The following DPP8 variants were observed in gnomAD, a reference collection of about 807,000 sequenced individuals.
The protein encoded by DPP8 is DPP VIII.
DPP8 carries 31 observed loss-of-function variants against 107.5 expected under a neutral mutation model. The observed-to-expected ratio is 0.29, with a 90% CI of 0.22 to 0.39. DPP8 has a LOEUF of 0.39. Ranked by LOEUF, DPP8 falls within the 10% of genes least tolerant of loss-of-function variation. DPP8 has a pLI of 1.00. For missense variants in DPP8, 842 were observed against 1,076.1 expected, an observed-to-expected ratio of 0.78 and a Z score of 3.04; for synonymous variants, 381 against 356.6, an observed-to-expected ratio of 1.07 and a Z score of -0.77.
At chr15:65,450,030 C>T (rs767828619) in intron 19 of DPP8, among the ~76,000 whole-genome samples, 2 of 151,832 alleles carry the variant, frequency 1.3e-5, no homozygotes, top group Admixed American at 6.6e-5. Flanking sequence ...TGCAATAGCG[C>T]GATCTCAGCT....
chr15:65,451,280 T>C (rs613892), intron 18 of DPP8, among the ~76,000 whole-genome samples, 170 bp from the exon 19 acceptor site: 9,158 of 152,262 alleles, frequency 0.06, 270 homozygotes, highest in African/African-American at 0.082. Context: ...AGATGCCACA[T>C]GCAATGAAGG....
chr15:65,492,300 C>T (rs529533791), intron 5 of DPP8, among the ~76,000 whole-genome samples: 1 of 152,076 alleles, frequency 6.6e-6, no homozygotes, highest in Non-Finnish European at 1.5e-5. Flanking sequence ...CGAGATCATG[C>T]CACTGCACTC....
At chr15:65,464,114 A>T (rs2033578) in intron 14 of DPP8, among the ~76,000 whole-genome samples, 1 of 152,222 alleles carries the variant, frequency 6.6e-6, no homozygotes, top group African/African-American at 2.4e-5. Flanking sequence ...CTGTAATCCC[A>T]GCACTTTGGG....
At position 65,449,232 on chromosome 15, in the gene DPP8, AATATAT is replaced by A. The variant is rs955091890; in HGVS notation, c.2526+1761_2526+1766del. 3.0e-4 allele frequency among the ~76,000 whole-genome samples: 44 copies of A among 144,444 alleles called. 1 individual carries two copies. The highest frequency in any genetic ancestry group is 7.6e-5 in the Non-Finnish European group (5 of 65,934). 94.8% of individuals were successfully genotyped at this position (144,444 alleles called of 152,430 possible). A position where few individuals can be genotyped will look rare whatever the true frequency, so the allele number is the denominator to read the frequency against. On this transcript the variant is annotated intron_variant, in intron 19 of 19. Transcript: ENST00000300141. ...CTCAAAAAGAAAAAAAATAAAAATA[AATATAT>A]ATATATATATAATTTAAAAATATAT...
At chr15:65,450,263 G>T (rs376421979) in intron 19 of DPP8, among the ~76,000 whole-genome samples, 6 of 151,948 alleles carry the variant, frequency 3.9e-5, no homozygotes, top group African/African-American at 1.5e-4. Flanking sequence ...CCACTGTGCC[G>T]GGCTGATAGT....
intron 5 of DPP8, among the ~76,000 whole-genome samples, chr15:65,492,756 A>G (rs535350667): frequency 7.2e-5 from 11 of 152,034 alleles, no homozygotes; most frequent in Middle Eastern, 3.4e-3. Flanking sequence ...CACTAAGCCC[A>G]GCTAATTTTT....
rs992006067 is a variant in DPP8 at position 65,446,804 on chromosome 15, A to G, written c.*80T>C. On this transcript the variant is annotated 3_prime_UTR_variant, in exon 20 of 20. Transcript: ENST00000300141. ...GGCAGGTATCAAAATGTGATGATCA[A>G]TTCTGTGTTTTCTGTTGATTAAACC... The G allele has an allele frequency of 7.2e-6, 10 of 1,395,570 alleles. No homozygotes were observed. The highest frequency in any genetic ancestry group is 4.7e-5 in the Admixed American group (2 of 42,906). The allele number at this position is 1,395,570 out of a possible 1,614,324, so 86.4% of individuals were successfully genotyped here.
chr15:65,497,724 C>T lies in DPP8; in HGVS notation c.715+140G>A, dbSNP rs572709912. On this transcript the variant is annotated intron_variant, in intron 5 of 19. Transcript: ENST00000300141. The stretch of plus-strand genomic sequence containing the variant: ...TACAAGTTATCCTCTGTACTTTTCT[C>T]CATTTTTTAAAAATTTTAAAGACTT... The T allele has an allele frequency of 9.1e-6, 5 of 551,042 alleles. No individual in the cohort carries two copies. The Admixed American group carries it at 1.5e-4, about 16-fold the overall frequency. 34.1% of individuals were successfully genotyped at this position (551,042 alleles called of 1,614,324 possible).
intron 10 of DPP8, among the ~76,000 whole-genome samples, 153 bp from the exon 11 acceptor site, chr15:65,479,192 T>C (rs897612658): frequency 2.6e-5 from 4 of 152,174 alleles, no homozygotes; most frequent in Non-Finnish European, 5.9e-5. Flanking sequence ...TAAATTTTGC[T>C]TGGGGCTTTC....
chr15:65,482,624 T>C (rs939843395), intron 8 of DPP8, among the ~76,000 whole-genome samples: 20 of 152,272 alleles, frequency 1.3e-4, no homozygotes, highest in African/African-American at 4.1e-4. Context: ...CAAAGTTTTT[T>C]CTTTTAAAAG....
intron 19 of DPP8, among the ~76,000 whole-genome samples, chr15:65,449,327 C>T (rs1277909230): frequency 6.7e-6 from 1 of 149,636 alleles, no homozygotes; most frequent in East Asian, 1.9e-4. Context: ...AATCCCACAA[C>T]CTTTAAGAAA....
chr15:65,464,191 G>A (rs894695225), intron 14 of DPP8, among the ~76,000 whole-genome samples: 5 of 151,962 alleles, frequency 3.3e-5, no homozygotes, highest in African/African-American at 9.7e-5. Flanking sequence ...GTGAAACCCC[G>A]CCTCTACTAA....
chr15:65,496,282 CT>C (rs1330865441), intron 5 of DPP8, among the ~76,000 whole-genome samples: 1 of 152,012 alleles, frequency 6.6e-6, no homozygotes, highest in Non-Finnish European at 1.5e-5. Flanking sequence ...GGCGGCTGGC[CT>C]GTAATTAATT....
intron 2 of DPP8, among the ~76,000 whole-genome samples, chr15:65,508,917 A>T (rs7181638): frequency 0.056 from 8,443 of 152,104 alleles, 796 homozygotes; most frequent in African/African-American, 0.19. Flanking sequence ...CATAAATCAC[A>T]CAAAAATAAC....
At chr15:65,501,885 T>C (rs1182920563) in intron 3 of DPP8, among the ~76,000 whole-genome samples, 1 of 152,140 alleles carries the variant, frequency 6.6e-6, no homozygotes, top group Non-Finnish European at 1.5e-5. Context: ...TATTTCACAG[T>C]GATTTCTTTC....
intron 5 of DPP8, among the ~76,000 whole-genome samples, 155 bp from the exon 6 acceptor site, chr15:65,490,454 A>G (rs967662976): frequency 1.3e-5 from 2 of 152,180 alleles, no homozygotes; most frequent in African/African-American, 4.8e-5. Context: ...ATAATGTCTG[A>G]CTTTGGGCAA....
chr15:65,444,211 G>A lies in DPP8; in HGVS notation c.*2673C>T, dbSNP rs2063407490. Reference sequence around the variant, plus strand: ...TAGGATTACAGGCGTGAGCCACCATGCCTAGCCTGGGAATACACATTTTTA... The same window carrying A: ...TAGGATTACAGGCGTGAGCCACCATACCTAGCCTGGGAATACACATTTTTA... On this transcript the variant is annotated 3_prime_UTR_variant, in exon 20 of 20. Coordinates refer to ENST00000300141, the MANE Select transcript of DPP8 (RefSeq NM_130434.5). The A allele has an allele frequency of 6.6e-6, 1 of 152,182 alleles. No individual in the cohort carries two copies. The highest frequency in any genetic ancestry group is 2.1e-4 in the South Asian group (1 of 4,832). The allele number at this position is 152,182 out of a possible 1,614,324, so 9.4% of individuals were successfully genotyped here. A position where few individuals can be genotyped will look rare whatever the true frequency, so the allele number is the denominator to read the frequency against.
intron 3 of DPP8, among the ~76,000 whole-genome samples, chr15:65,502,136 C>A (rs1023898583): frequency 6.6e-6 from 1 of 152,120 alleles, no homozygotes; most frequent in Non-Finnish European, 1.5e-5. Flanking sequence ...AGTGATCTGC[C>A]CACCTCCGCC....
At chr15:65,500,261 A>G (rs180999920) in intron 4 of DPP8, among the ~76,000 whole-genome samples, 221 of 152,202 alleles carry the variant, frequency 1.5e-3, no homozygotes, top group African/African-American at 5.1e-3. Flanking sequence ...GCTACTAAAA[A>G]TACAAAATTA....
Sources: allele counts gnomAD v4.1 joint callset (sites outside exome capture counted in the v4.1 genomes callset), GRCh38; gene constraint gnomAD v4.1.1; transcripts MANE v1.5; gene names NCBI Gene and HGNC (gene_info 2026-07-23, HGNC 2026-07-21).